Variants in TSHZ2 observed in about 807,000 individuals in gnomAD.
The protein encoded by TSHZ2 is teashirt homolog 2.
TSHZ2 carries 21 observed loss-of-function variants against 74.4 expected under a neutral mutation model. That is an observed-to-expected ratio of 0.28 (90% CI 0.20 to 0.41). The LOEUF is 0.41. TSHZ2 is among the 10% of genes least tolerant of loss of function. The pLI, the probability that TSHZ2 is intolerant of heterozygous loss-of-function variation, is 1.00. For synonymous variants in TSHZ2, 540 were observed against 515.3 expected (o/e 1.05, Z -0.65); for missense variants, 1,244 against 1,293.5 (o/e 0.96, Z 0.59).
intron 1 of TSHZ2, among the ~76,000 whole-genome samples, chr20:53,057,549 A>G (rs919185009): frequency 3.3e-5 from 5 of 151,726 alleles, no homozygotes; most frequent in African/African-American, 9.7e-5. Context: ...TTATGTTGTT[A>G]TTATTTATTA....
In TSHZ2 at chr20:53,046,730, A is replaced by G. The variant is rs1984242142; in HGVS notation, c.40+73397A>G. Among the ~76,000 whole-genome samples, 3 of 152,180 alleles carry G rather than the reference A, an allele frequency of 2.0e-5. No homozygotes were observed. In the South Asian group the frequency reaches 6.2e-4, roughly 32 times the overall value. On this transcript the variant is annotated intron_variant, in intron 1 of 2. Transcript: ENST00000371497. Reference sequence around the variant, plus strand: ...AAGTTCAGGAATCAGACAGCCTTGGACGTTCAGCCCCATGACCTTAAACAA... The same window carrying G: ...AAGTTCAGGAATCAGACAGCCTTGGGCGTTCAGCCCCATGACCTTAAACAA...
At chr20:53,054,548 T>C (rs893524783) in intron 1 of TSHZ2, among the ~76,000 whole-genome samples, 5 of 152,204 alleles carry the variant, frequency 3.3e-5, no homozygotes, top group Admixed American at 6.5e-5. Flanking sequence ...AATCCTTCCA[T>C]TGAAACATCT....
chr20:53,025,958 A>G (rs1417745067), intron 1 of TSHZ2, among the ~76,000 whole-genome samples: 1 of 152,188 alleles, frequency 6.6e-6, no homozygotes, highest in Non-Finnish European at 1.5e-5. Flanking sequence ...AAGCGACAGA[A>G]GTAGAGCCCG....
intron 2 of TSHZ2, among the ~76,000 whole-genome samples, chr20:53,283,861 GA>G (rs1378966555): frequency 1.3e-5 from 2 of 152,190 alleles, no homozygotes; most frequent in Non-Finnish European, 2.9e-5. Context: ...TTTATCCAGG[GA>G]AGATTTTCCT....
chr20:53,353,925 T>C (rs1051459112), intron 2 of TSHZ2, among the ~76,000 whole-genome samples: 2 of 152,220 alleles, frequency 1.3e-5, no homozygotes, highest in African/African-American at 4.8e-5. Flanking sequence ...ACTGAGGGGC[T>C]TCCTGGCATG....
intron 2 of TSHZ2, among the ~76,000 whole-genome samples, chr20:53,414,120 C>CAAAAA (rs900038606): frequency 6.6e-6 from 1 of 151,272 alleles, no homozygotes; most frequent in Non-Finnish European, 1.5e-5. Flanking sequence ...GACCTTATCT[C>CAAAAA]AAAAAATAAA....
intron 1 of TSHZ2, among the ~76,000 whole-genome samples, chr20:53,230,395 C>T (rs1004734719): frequency 1.3e-5 from 2 of 152,130 alleles, no homozygotes; most frequent in African/African-American, 2.4e-5. Flanking sequence ...CCTCAAATAA[C>T]CATTCACATC....
chr20:53,384,374 C>G (rs1337717826), intron 2 of TSHZ2, among the ~76,000 whole-genome samples: 1 of 152,218 alleles, frequency 6.6e-6, no homozygotes, highest in Admixed American at 6.5e-5. Context: ...CTTTTAGCCA[C>G]ACGCAGACCC....
chr20:53,267,551 A>C (rs771279453), intron 2 of TSHZ2, among the ~76,000 whole-genome samples: 1 of 152,210 alleles, frequency 6.6e-6, no homozygotes, highest in African/African-American at 2.4e-5. Flanking sequence ...AGTCCATGGC[A>C]GAGAGAGGAT....
intron 2 of TSHZ2, among the ~76,000 whole-genome samples, chr20:53,370,679 G>A (rs750880626): frequency 1.3e-5 from 2 of 152,106 alleles, no homozygotes; most frequent in South Asian, 2.1e-4. Flanking sequence ...TGGGAAGATC[G>A]GTTGAGGCCA....
chr20:53,147,702 G>A (rs374351374), intron 1 of TSHZ2, among the ~76,000 whole-genome samples: 26 of 151,640 alleles, frequency 1.7e-4, no homozygotes, highest in African/African-American at 6.0e-4. Context: ...AAAATAAGTG[G>A]TGGGTCTATT....
chr20:53,418,042 C>T (rs777295665), intron 2 of TSHZ2, among the ~76,000 whole-genome samples: 31 of 152,136 alleles, frequency 2.0e-4, no homozygotes, highest in African/African-American at 7.5e-4. Flanking sequence ...GAGTGTTTGA[C>T]GCCATAAGAG....
intron 2 of TSHZ2, among the ~76,000 whole-genome samples, chr20:53,333,382 G>A (rs1013519307): frequency 6.6e-6 from 1 of 151,882 alleles, no homozygotes; most frequent in Admixed American, 6.6e-5. Context: ...TTGAAGTGGA[G>A]AGAAGGAGAT....
Position 53,143,747 on chromosome 20 carries a change from T to A in TSHZ2, c.41-109752T>A, listed in dbSNP as rs369015648. ...AATAATAATTGTAATAATCTTGACT[T>A]AGAGTTGCCTTGTAATGTAGCCTCC... On this transcript the variant is annotated intron_variant, in intron 1 of 2. Transcript: ENST00000371497. Among the ~76,000 whole-genome samples the A allele has an allele frequency of 1.6e-4, 25 of 152,142 alleles. No individual in the cohort carries two copies. In the East Asian group the frequency reaches 4.4e-3, roughly 27 times the overall value.
At chr20:53,134,969 A>C (rs1023462282) in intron 1 of TSHZ2, among the ~76,000 whole-genome samples, 1 of 143,148 alleles carries the variant, frequency 7.0e-6, no homozygotes, top group Non-Finnish European at 1.5e-5. Context: ...CTGACAAAGA[A>C]ACACACACAC....
At position 53,074,437 on chromosome 20, in the gene TSHZ2, A is replaced by T. The variant is rs1468182533; in HGVS notation, c.40+101104A>T. ...AAGTGGGCTGGCCAGAATACAAGTCAGAATGAGATGGATGCAGTACGAAGT... is the reference window on the plus strand; with the variant it reads ...AAGTGGGCTGGCCAGAATACAAGTCTGAATGAGATGGATGCAGTACGAAGT... On this transcript the variant is annotated intron_variant, in intron 1 of 2. Coordinates refer to ENST00000371497, the MANE Select transcript of TSHZ2 (RefSeq NM_173485.6). This position sits in a 1 kb window ranked among gnomAD's most constrained non-coding sequence, Gnocchi z 5.9. Among the ~76,000 whole-genome samples the T allele has an allele frequency of 1.3e-5, 2 of 152,234 alleles. No individual in the cohort carries two copies. Among genetic ancestry groups the T allele is most frequent in the East Asian group, 3.8e-4 (2 of 5,202 alleles).
intron 2 of TSHZ2, among the ~76,000 whole-genome samples, chr20:53,264,745 T>C (rs1247926009): frequency 2.6e-5 from 4 of 152,250 alleles, no homozygotes; most frequent in Admixed American, 6.5e-5. Context: ...TTTTTTTTTA[T>C]ACAAAGCTTC....
In TSHZ2 at chr20:53,293,714, A is replaced by AG. The variant is rs1037807401; in HGVS notation, c.*8+37143_*8+37144insG. On this transcript the variant is annotated intron_variant, in intron 2 of 2. Transcript: ENST00000371497. ...CAACTGGCTCTCAAAAAAAAAAAAA[A>AG]AAAAGAAAAGAAACAGGTCCTGGCC... Among the ~76,000 whole-genome samples the AG allele has an allele frequency of 1.8e-4, 27 of 148,508 alleles. No individual in the cohort carries two copies. The East Asian group carries it at 3.3e-3, about 18-fold the overall frequency.
chr20:53,314,595 C>A (rs1199028090), intron 2 of TSHZ2, among the ~76,000 whole-genome samples: 3 of 150,606 alleles, frequency 2.0e-5, no homozygotes, highest in Non-Finnish European at 4.4e-5. Context: ...TCCTTACGAA[C>A]AGTCTTATTT....
Sources: gnomAD v4.1 joint callset for allele counts (sites outside exome capture counted in the v4.1 genomes callset) on GRCh38, gnomAD v4.1.1 for gene constraint, Gnocchi (gnomAD v3.1) non-coding constraint, MANE v1.5 for transcripts, NCBI Gene and HGNC (gene_info 2026-07-23, HGNC 2026-07-21) for gene names.